DNAH17: variants seen among roughly 807,000 people sequenced by gnomAD.
DNAH17 encodes the protein axonemal beta dynein heavy chain 17.
DNAH17 carries 376 observed loss-of-function variants against 485.6 expected under a neutral mutation model. The observed-to-expected ratio is 0.77, with a 90% confidence interval of 0.71 to 0.84. The LOEUF (loss-of-function observed/expected upper bound fraction) is 0.84. Among genes scored for constraint, DNAH17 ranks in the 40% least tolerant of loss-of-function variants. The probability of loss-of-function intolerance (pLI) is 0.00; values close to 1 mark genes in which losing one functional copy is unlikely to be tolerated. For synonymous variants in DNAH17, 3,031 were observed against 2,405.9 expected (o/e 1.26, Z -7.60); for missense variants, 6,370 against 5,839.3 (o/e 1.09, Z -2.96).
At chr17:78,526,386 T>TG (rs1482360243) in intron 24 of DNAH17, among the ~76,000 whole-genome samples, 1 of 152,132 alleles carries the variant, frequency 6.6e-6, no homozygotes, top group Admixed American at 6.5e-5. Flanking sequence ...GCCTGAGCCG[T>TG]GGGCCTGGAG....
intron 48 of DNAH17, among the ~76,000 whole-genome samples, chr17:78,481,474 A>G (rs1056098675): frequency 6.6e-6 from 1 of 152,162 alleles, no homozygotes; most frequent in African/African-American, 2.4e-5. Flanking sequence ...ACAAGAGGCA[A>G]AAGAGTGGCT....
Position 78,428,684 on chromosome 17 carries a change from CTCA to C in DNAH17, c.12426_12428del (p.Asp4142del). 6.2e-7 allele frequency: 1 copy of C among 1,613,910 alleles called. No individual in the cohort carries two copies. The highest frequency in any genetic ancestry group is 1.1e-5 in the South Asian group (1 of 91,080). The stretch of plus-strand genomic sequence containing the variant: ...GATAGGGACTCTCAGGGGGCAGGTT[CTCA>C]TCGATGTATTCGTGGTAACCCTGAA... On this transcript the variant is annotated inframe_deletion, in exon 77 of 81. Coordinates refer to ENST00000389840, the MANE Select transcript of DNAH17 (RefSeq NM_173628.4).
Position 78,450,849 on chromosome 17 carries a change from G to A in DNAH17, c.10735-3C>T. On this transcript the variant is annotated splice_region_variant and splice_polypyrimidine_tract_variant and intron_variant, in intron 66 of 80. Transcript: ENST00000389840. Reference sequence around the variant, plus strand: ...TTTTGAGACTTGGTGAGGTTTGCCTGCAAGGGGAGGTGCAGGAGTCACTGC... The same window carrying A: ...TTTTGAGACTTGGTGAGGTTTGCCTACAAGGGGAGGTGCAGGAGTCACTGC... The A allele has an allele frequency of 6.2e-7, 1 of 1,613,808 alleles. No individual in the cohort carries two copies. Among genetic ancestry groups the A allele is most frequent in the Non-Finnish European group, 8.5e-7 (1 of 1,179,808 alleles).
chr17:78,515,587 G>A (rs1199175347), intron 25 of DNAH17, among the ~76,000 whole-genome samples: 1 of 152,232 alleles, frequency 6.6e-6, no homozygotes, highest in African/African-American at 2.4e-5. Context: ...TGCTGTTGCT[G>A]GCCAGGACCC....
chr17:78,428,708 CT>C lies in DNAH17; in HGVS notation c.12406-2del. ...TCTCATCGATGTATTCGTGGTAACC[CT>C]GAAAAAGAGGGCAGTTTGTAAGCAG... On this transcript the variant is annotated splice_acceptor_variant, in intron 76 of 80. Coordinates refer to ENST00000389840, the MANE Select transcript of DNAH17 (RefSeq NM_173628.4). LOFTEE classifies it high-confidence loss of function. 6.2e-7 allele frequency: 1 copy of C among 1,612,990 alleles called. No individual in the cohort carries two copies. Among genetic ancestry groups the C allele is most frequent in the Non-Finnish European group, 8.5e-7 (1 of 1,179,168 alleles).
intron 75 of DNAH17, among the ~76,000 whole-genome samples, chr17:78,432,900 G>A (rs1442070050): frequency 4.6e-5 from 2 of 43,284 alleles, no homozygotes; most frequent in Non-Finnish European, 8.6e-5. Context: ...GGCTTCAAAC[G>A]TGCCCCCCCC....
intron 16 of DNAH17, 118 bp downstream of exon 16, chr17:78,551,417 G>T: frequency 1.2e-6 from 1 of 847,712 alleles, no homozygotes. Context: ...CTGCACGGCA[G>T]CTCCCACTGC....
intron 44 of DNAH17, among the ~76,000 whole-genome samples, chr17:78,488,389 C>T (rs1184725912): frequency 1.3e-5 from 2 of 152,194 alleles, no homozygotes; most frequent in Non-Finnish European, 2.9e-5. Flanking sequence ...TCTGCCAATA[C>T]TCAGGTCTCC....
intron 9 of DNAH17, 135 bp from the exon 10 acceptor site, chr17:78,567,301 G>A (rs2092283286): frequency 4.9e-6 from 4 of 819,760 alleles, no homozygotes; most frequent in Non-Finnish European, 7.7e-6. Flanking sequence ...CATGGGGGTG[G>A]GAGGACACCC....
intron 14 of DNAH17, among the ~76,000 whole-genome samples, chr17:78,553,382 A>G (rs937660664): frequency 7.5e-6 from 1 of 133,564 alleles, no homozygotes; most frequent in Non-Finnish European, 1.5e-5. Context: ...GCTCACTGCA[A>G]TCTCTGCCTC....
At chr17:78,449,321 G>C (rs1598466401) in intron 69 of DNAH17, 93 bp downstream of exon 69, 1 of 1,335,574 alleles carries the variant, frequency 7.5e-7, no homozygotes, top group East Asian at 2.6e-5. Context: ...GTTTGGGTGG[G>C]GGCCCAACAA....
In DNAH17 at chr17:78,547,951, G is replaced by A. The variant is rs115724707; in HGVS notation, c.2391+3584C>T. Among the ~76,000 whole-genome samples, 1,077 of 152,212 alleles carry A rather than the reference G, an allele frequency of 7.1e-3. 20 individuals are homozygous for A. The highest frequency in any genetic ancestry group is 0.024 in the African/African-American group (1,016 of 41,534). ...CTTTAGTAACAACTATGATTTTTAT[G>A]TTGTTCGTCTCCCTCATCTTACACA... On this transcript the variant is annotated intron_variant, in intron 16 of 80. Transcript: ENST00000389840.
Position 78,529,694 on chromosome 17 carries a change from G to C in DNAH17, c.3285C>G (p.Ser1095Arg), listed in dbSNP as rs770437931. 5.6e-6 allele frequency: 9 copies of C among 1,613,684 alleles called. No homozygotes were observed. The Admixed American group carries it at 1.3e-4, about 24-fold the overall frequency. Residue 1095 changes from serine to arginine, a missense_variant and splice_region_variant, in exon 22 of 81, where the codon AGC becomes AGG. Ser to Arg is a moderately radical substitution (Grantham distance 110). Transcript: ENST00000389840. ...KRHLSNHVTN[S>R]LADLEAFMKV... ...TCATGAAGGCTTCCAGGTCAGCCAG[G>C]CTAAGGGACAAGGGGACCATTTGTG... is the stretch of plus-strand genomic sequence containing the variant.
chr17:78,501,159 T>C, intron 35 of DNAH17, 25 bp downstream of exon 35: 1 of 1,553,402 alleles, frequency 6.4e-7, no homozygotes, highest in South Asian at 1.2e-5. Context: ...AGAGCACATG[T>C]GAGTTACTCA....
Position 78,461,558 on chromosome 17 carries a change from C to A in DNAH17, c.9325G>T (p.Glu3109Ter). Residue 3109 changes from glutamate to a stop codon, truncating the protein, a stop_gained, in exon 58 of 81, where the codon GAG becomes TAG. Transcript: ENST00000389840. LOFTEE classifies it high-confidence loss of function. Reference protein sequence around the residue: ...AIADQEEVKVEVINKNVTEKQ... With the variant: ...AIADQEEVKV ...CCTTCACCTACCTTATTGATGACCT[C>A]GACCTTGACTTCTTCCTGGTCAGCA... The A allele has an allele frequency of 6.3e-7, 1 of 1,595,430 alleles. No homozygotes were observed. Among genetic ancestry groups the A allele is most frequent in the South Asian group, 1.1e-5 (1 of 87,732 alleles).
intron 16 of DNAH17, among the ~76,000 whole-genome samples, chr17:78,549,869 G>A (rs1400745806): frequency 6.6e-6 from 1 of 152,214 alleles, no homozygotes; most frequent in Admixed American, 6.5e-5. Context: ...CCCTGCTGAA[G>A]ATTCAGAAGC....
At chr17:78,513,715 C>A (rs2090699519) in intron 26 of DNAH17, among the ~76,000 whole-genome samples, 1 of 152,240 alleles carries the variant, frequency 6.6e-6, no homozygotes, top group Admixed American at 6.5e-5. Context: ...GGATTACAGG[C>A]ATGAGCCACC....
intron 71 of DNAH17, among the ~76,000 whole-genome samples, 191 bp from the exon 72 acceptor site, chr17:78,441,390 C>T (rs1418971406): frequency 1.3e-5 from 2 of 152,110 alleles, no homozygotes; most frequent in African/African-American, 2.4e-5. Flanking sequence ...TTGTTTGCCT[C>T]GGGCACCCTT....
chr17:78,543,366 C>T (rs150192574), intron 17 of DNAH17, among the ~76,000 whole-genome samples: 282 of 151,864 alleles, frequency 1.9e-3, no homozygotes, highest in Middle Eastern at 3.4e-3. Context: ...TCTTGGCTCA[C>T]TGCAAGCTCC....
Sources: allele counts gnomAD v4.1 joint callset (sites outside exome capture counted in the v4.1 genomes callset), GRCh38; gene constraint gnomAD v4.1.1; transcripts MANE v1.5; gene names NCBI Gene and HGNC (gene_info 2026-07-23, HGNC 2026-07-21).